The following CLCN4 variants were observed in gnomAD, a reference collection of about 807,000 sequenced individuals.
CLCN4 encodes the protein H(+)/Cl(-) exchange transporter 4.
CLCN4 carries 1 observed loss-of-function variant against 41.7 expected under a neutral mutation model. The observed-to-expected ratio is 0.02, with a 90% CI of 0.01 to 0.11. CLCN4 has a LOEUF of 0.11. Ranked by LOEUF, CLCN4 falls within the 10% of genes least tolerant of loss-of-function variation. The pLI is 1.00. For missense variants in CLCN4, 287 were observed against 661.0 expected (o/e 0.43, Z 6.20); for synonymous variants, 277 against 285.8 (o/e 0.97, Z 0.31).
At chrX:10,169,625 T>A (rs895450753) in intron 2 of CLCN4, among the ~76,000 whole-genome samples, 5 of 111,966 alleles carry the variant, frequency 4.5e-5, no homozygotes, top group African/African-American at 1.3e-4. Flanking sequence ...TAAAATTTTT[T>A]AATTTTGCTA....
chrX:10,189,436 C>T (rs1013936106), intron 4 of CLCN4, among the ~76,000 whole-genome samples: 2 of 111,739 alleles, frequency 1.8e-5, no homozygotes, highest in African/African-American at 6.5e-5. Flanking sequence ...TGGAGAGGAC[C>T]TCTAGCTTGA....
chrX:10,209,545 A>G (rs149653073), intron 9 of CLCN4, among the ~76,000 whole-genome samples: 1,338 of 109,264 alleles, frequency 0.012, 23 homozygotes, highest in African/African-American at 0.042. Context: ...AATTTTTTGT[A>G]CAGATGAGGC....
At chrX:10,205,249 G>A (rs1334478349) in intron 6 of CLCN4, among the ~76,000 whole-genome samples, 2 of 110,965 alleles carry the variant, frequency 1.8e-5, no homozygotes, top group East Asian at 2.9e-4. Context: ...CAAGGCGGGC[G>A]GATCACAAGA....
At chrX:10,218,266 T>C (rs1177011964) in intron 11 of CLCN4, among the ~76,000 whole-genome samples, 1 of 112,594 alleles carries the variant, frequency 8.9e-6, no homozygotes, top group East Asian at 2.8e-4. Context: ...CCTACATTCT[T>C]ATCACCAAAG....
At chrX:10,230,705 C>T (rs1430621005) in intron 12 of CLCN4, among the ~76,000 whole-genome samples, 1 of 112,001 alleles carries the variant, frequency 8.9e-6, no homozygotes, top group Non-Finnish European at 1.9e-5. Context: ...AGGATTATAA[C>T]AACATTTAGG....
At chrX:10,209,692 C>T (rs1924495711) in intron 9 of CLCN4, among the ~76,000 whole-genome samples, 2 of 111,492 alleles carry the variant, frequency 1.8e-5, no homozygotes, top group African/African-American at 6.5e-5. Flanking sequence ...TACTCTTGTT[C>T]CTAAAGCCAG....
chrX:10,189,445 G>C (rs971376156), intron 4 of CLCN4, among the ~76,000 whole-genome samples: 1 of 111,782 alleles, frequency 8.9e-6, no homozygotes, highest in Non-Finnish European at 1.9e-5. Context: ...CCTCTAGCTT[G>C]AATACAGCCT....
At chrX:10,176,642 T>G (rs1221421697) in intron 2 of CLCN4, among the ~76,000 whole-genome samples, 1 of 112,091 alleles carries the variant, frequency 8.9e-6, no homozygotes, top group Non-Finnish European at 1.9e-5. Flanking sequence ...CTGCCGGGAC[T>G]TGCCTCTAGG....
chrX:10,208,376 A>G lies in CLCN4; in HGVS notation c.1175A>G (p.Gln392Arg), dbSNP rs761118786. ...IIAYPNPYTR[Q>R]STSELISELF... Reference sequence around the variant, plus strand: ...GCCTACCCCAATCCCTACACACGCCAGAGCACCAGCGAGCTCATTTCTGAG... The same window carrying G: ...GCCTACCCCAATCCCTACACACGCCGGAGCACCAGCGAGCTCATTTCTGAG... Residue 392 changes from glutamine to arginine, a missense_variant, in exon 9 of 13, where the codon CAG becomes CGG. Coordinates refer to ENST00000380833, the MANE Select transcript of CLCN4 (RefSeq NM_001830.4). 36 of 1,208,978 alleles carry G rather than the reference A, an allele frequency of 3.0e-5. No individual in the cohort carries two copies. The highest frequency in any genetic ancestry group is 6.7e-6 in the Non-Finnish European group (6 of 894,937).
chrX:10,167,237 G>T lies in CLCN4; in HGVS notation c.-12+8686G>T, dbSNP rs144145748. Among the ~76,000 whole-genome samples, 570 of 112,348 alleles carry T rather than the reference G, an allele frequency of 5.1e-3. 4 individuals carry two copies. The highest frequency in any genetic ancestry group is 0.017 in the African/African-American group (522 of 30,917). ...CACCACCTGGCTCCCGTCACTGTCAGTGCCTTCCTGTCTTCTCCCCTCTGG... is the reference window on the plus strand; with the variant it reads ...CACCACCTGGCTCCCGTCACTGTCATTGCCTTCCTGTCTTCTCCCCTCTGG... On this transcript the variant is annotated intron_variant, in intron 2 of 12. Coordinates refer to ENST00000380833, the MANE Select transcript of CLCN4 (RefSeq NM_001830.4).
At position 10,160,362 on chromosome X, in the gene CLCN4, A is replaced by T. The variant is rs752321099; in HGVS notation, c.-12+1811A>T. Among the ~76,000 whole-genome samples the T allele has an allele frequency of 1.2e-3, 130 of 111,755 alleles. 1 individual carries two copies. Among genetic ancestry groups the T allele is most frequent in the African/African-American group, 4.0e-3 (123 of 30,718 alleles). Reference sequence around the variant, plus strand: ...TGAATTTCCAGAAATAGCTTCTGTGAAAAGGGGAGGAGCTGTTTGTATGCC... The same window carrying T: ...TGAATTTCCAGAAATAGCTTCTGTGTAAAGGGGAGGAGCTGTTTGTATGCC... On this transcript the variant is annotated intron_variant, in intron 2 of 12. Coordinates refer to ENST00000380833, the MANE Select transcript of CLCN4 (RefSeq NM_001830.4).
At chrX:10,219,228 T>C (rs1924800146) in intron 11 of CLCN4, among the ~76,000 whole-genome samples, 1 of 112,645 alleles carries the variant, frequency 8.9e-6, no homozygotes, top group African/African-American at 3.2e-5. Flanking sequence ...CAACTCTTGA[T>C]TGGGGTTTGC....
At chrX:10,183,032 T>C (rs1237607052) in intron 2 of CLCN4, among the ~76,000 whole-genome samples, 4 of 112,259 alleles carry the variant, frequency 3.6e-5, no homozygotes, top group Non-Finnish European at 5.6e-5. Context: ...AAGGGCTCTC[T>C]TGGAGGGTCA....
chrX:10,213,447 TC>T (rs1924621527), intron 10 of CLCN4, among the ~76,000 whole-genome samples: 2 of 111,860 alleles, frequency 1.8e-5, no homozygotes, highest in Non-Finnish European at 3.8e-5. Context: ...CAACCCGGGA[TC>T]CGTCATTGGA....
chrX:10,186,906 T>C (rs769844342), intron 3 of CLCN4, among the ~76,000 whole-genome samples: 3 of 111,917 alleles, frequency 2.7e-5, no homozygotes, highest in Non-Finnish European at 3.8e-5. Context: ...GCCCAAAATA[T>C]TTACTCTCTG....
chrX:10,196,258 A>G (rs1258945602), intron 5 of CLCN4, among the ~76,000 whole-genome samples: 1 of 112,547 alleles, frequency 8.9e-6, no homozygotes, highest in Non-Finnish European at 1.9e-5. Context: ...GGCCTTCTAT[A>G]AAGAGAATGC....
chrX:10,223,678 C>A (rs771949058), intron 12 of CLCN4, among the ~76,000 whole-genome samples: 3 of 111,818 alleles, frequency 2.7e-5, no homozygotes, highest in Non-Finnish European at 3.8e-5. Flanking sequence ...CAAGGGGCAT[C>A]ATAAAACTGG....
In CLCN4 at chrX:10,163,374, T is replaced by TG. The variant is rs1254214921; in HGVS notation, c.-12+4823_-12+4824insG. On this transcript the variant is annotated intron_variant, in intron 2 of 12. Coordinates refer to ENST00000380833, the MANE Select transcript of CLCN4 (RefSeq NM_001830.4). ...TTTTATGTGCAGGAATTTTTTTTTT[T>TG]TTGTGATAAGTATTTTTTTAAATGA... Among the ~76,000 whole-genome samples, 13 of 109,964 alleles carry TG rather than the reference T, an allele frequency of 1.2e-4. No homozygotes were observed. The South Asian group carries it at 1.6e-3, about 13-fold the overall frequency.
chrX:10,159,129 C>T (rs1219585872), intron 2 of CLCN4, among the ~76,000 whole-genome samples: 1 of 97,356 alleles, frequency 1.0e-5, no homozygotes, highest in African/African-American at 4.1e-5. Context: ...ACGTCAGAAA[C>T]GTATTTTTTT....
Sources: allele counts gnomAD v4.1 joint callset (sites outside exome capture counted in the v4.1 genomes callset), GRCh38; gene constraint gnomAD v4.1.1; transcripts MANE v1.5; gene names NCBI Gene and HGNC (gene_info 2026-07-23, HGNC 2026-07-21).